The following PITPNC1 variants were observed in gnomAD, a reference collection of about 807,000 sequenced individuals.
PITPNC1 encodes the protein cytoplasmic phosphatidylinositol transfer protein 1.
Under a neutral mutation model 44.7 loss-of-function variants are expected in PITPNC1, and 18 were observed. That is an observed-to-expected ratio of 0.40 (90% CI 0.28 to 0.60). The LOEUF (loss-of-function observed/expected upper bound fraction) is 0.60. Ranked by LOEUF, PITPNC1 falls within the 20% of genes least tolerant of loss-of-function variation. PITPNC1 has a pLI of 0.39. For missense variants in PITPNC1, 290 were observed against 418.4 expected (o/e 0.69, Z 2.68); for synonymous variants, 141 against 149.6 (o/e 0.94, Z 0.42).
chr17:67,402,833 A>G (rs1403772608), intron 1 of PITPNC1, among the ~76,000 whole-genome samples: 2 of 151,916 alleles, frequency 1.3e-5, no homozygotes, highest in Non-Finnish European at 2.9e-5. Context: ...TGCCCGGCTA[A>G]TTTTTGTGTT....
chr17:67,506,566 G>A (rs2040104230), intron 1 of PITPNC1, among the ~76,000 whole-genome samples: 2 of 152,106 alleles, frequency 1.3e-5, no homozygotes, highest in Non-Finnish European at 2.9e-5. Flanking sequence ...GAATGATCAT[G>A]TAAATTCAGG....
At chr17:67,473,171 C>T (rs765688798) in intron 1 of PITPNC1, among the ~76,000 whole-genome samples, 26 of 151,920 alleles carry the variant, frequency 1.7e-4, no homozygotes, top group Non-Finnish European at 2.2e-4. Context: ...CCACCGTGCC[C>T]GGCCAATTAA....
intron 5 of PITPNC1, among the ~76,000 whole-genome samples, chr17:67,584,016 G>C (rs190055832): frequency 5.4e-4 from 82 of 151,984 alleles, no homozygotes; most frequent in African/African-American, 1.9e-3. Context: ...TGGGATTACA[G>C]GTGTGAGCCA....
intron 1 of PITPNC1, among the ~76,000 whole-genome samples, chr17:67,532,416 G>A (rs2040473920): frequency 6.6e-6 from 1 of 152,102 alleles, no homozygotes; most frequent in Non-Finnish European, 1.5e-5. Flanking sequence ...CAGAAAGCAG[G>A]GGCAGAAATC....
At chr17:67,401,549 G>T (rs183790935) in intron 1 of PITPNC1, among the ~76,000 whole-genome samples, 210 of 152,152 alleles carry the variant, frequency 1.4e-3, no homozygotes, top group African/African-American at 4.9e-3. Flanking sequence ...AACATTTAAA[G>T]AAATCTATAA....
chr17:67,580,153 G>A (rs758662467), intron 5 of PITPNC1, among the ~76,000 whole-genome samples: 1 of 152,084 alleles, frequency 6.6e-6, no homozygotes, highest in Non-Finnish European at 1.5e-5. Context: ...ATGCCCTGAA[G>A]TATGCTTCCC....
intron 1 of PITPNC1, among the ~76,000 whole-genome samples, chr17:67,481,704 G>A (rs1054846937): frequency 2.0e-5 from 3 of 151,654 alleles, no homozygotes; most frequent in African/African-American, 4.8e-5. Flanking sequence ...GTTTTGATTC[G>A]ATGTCTTCAG....
chr17:67,602,827 C>T (rs576754493), intron 5 of PITPNC1, among the ~76,000 whole-genome samples: 5 of 152,226 alleles, frequency 3.3e-5, no homozygotes, highest in African/African-American at 9.6e-5. Context: ...ACCTCGACCT[C>T]CTGGACTCAG....
chr17:67,504,735 T>C (rs914196976), intron 1 of PITPNC1, among the ~76,000 whole-genome samples: 11 of 152,240 alleles, frequency 7.2e-5, no homozygotes, highest in Admixed American at 7.2e-4. Flanking sequence ...TATTTTTCTA[T>C]TCTCTAGTTC....
At chr17:67,485,509 C>T (rs944361649) in intron 1 of PITPNC1, among the ~76,000 whole-genome samples, 2 of 151,644 alleles carry the variant, frequency 1.3e-5, no homozygotes, top group Non-Finnish European at 2.9e-5. Flanking sequence ...GGATTACAGG[C>T]ACTCACCACC....
At chr17:67,607,748 G>A (rs894639810) in intron 5 of PITPNC1, among the ~76,000 whole-genome samples, 1 of 139,886 alleles carries the variant, frequency 7.1e-6, no homozygotes, top group Admixed American at 7.3e-5. Context: ...TTTTTTTTGA[G>A]ATGGAGTTTC....
At chr17:67,383,330 G>C (rs2037992340) in intron 1 of PITPNC1, among the ~76,000 whole-genome samples, 1 of 152,186 alleles carries the variant, frequency 6.6e-6, no homozygotes, top group Non-Finnish European at 1.5e-5. Flanking sequence ...CTAGAACCAG[G>C]TCTGATTTAA....
chr17:67,538,415 C>G (rs893163953), intron 2 of PITPNC1, among the ~76,000 whole-genome samples: 1 of 152,030 alleles, frequency 6.6e-6, no homozygotes, highest in Non-Finnish European at 1.5e-5. Context: ...GACTGGGCAA[C>G]CTGACGAAAC....
At chr17:67,433,458 T>C (rs1032631311) in intron 1 of PITPNC1, among the ~76,000 whole-genome samples, 3 of 152,038 alleles carry the variant, frequency 2.0e-5, no homozygotes, top group Non-Finnish European at 4.4e-5. Flanking sequence ...GAGAGGAAGC[T>C]GGGGAGCCGG....
intron 2 of PITPNC1, among the ~76,000 whole-genome samples, chr17:67,539,666 G>A (rs1222012268): frequency 2.0e-5 from 3 of 152,242 alleles, no homozygotes; most frequent in African/African-American, 7.2e-5. Context: ...GTGAAACCCC[G>A]TCTCTACTAA....
At chr17:67,482,667 A>T (rs1306891277) in intron 1 of PITPNC1, among the ~76,000 whole-genome samples, 4 of 152,222 alleles carry the variant, frequency 2.6e-5, no homozygotes, top group African/African-American at 9.6e-5. Context: ...CAAGGGAGAC[A>T]GTAGGAACCA....
chr17:67,441,642 C>T (rs1029409216), intron 1 of PITPNC1, among the ~76,000 whole-genome samples: 2 of 152,142 alleles, frequency 1.3e-5, no homozygotes, highest in Admixed American at 6.5e-5. Flanking sequence ...AGCCAAGCCC[C>T]GACGTCAATT....
chr17:67,410,687 C>G (rs889445743), intron 1 of PITPNC1, among the ~76,000 whole-genome samples: 1 of 151,932 alleles, frequency 6.6e-6, no homozygotes, highest in African/African-American at 2.4e-5. Context: ...ACCGCACGGG[C>G]CTGGTGAAGG....
intron 7 of PITPNC1, among the ~76,000 whole-genome samples, chr17:67,670,392 C>G (rs1598964961): frequency 6.6e-6 from 1 of 152,174 alleles, no homozygotes; most frequent in Non-Finnish European, 1.5e-5. Context: ...AGAGGTAGAA[C>G]AAGAAATCCC....
Sources: allele counts gnomAD v4.1 joint callset (sites outside exome capture counted in the v4.1 genomes callset), GRCh38; gene constraint gnomAD v4.1.1; transcripts MANE v1.5; gene names NCBI Gene and HGNC (gene_info 2026-07-23, HGNC 2026-07-21).